Variants in ROBO1 observed in about 807,000 individuals in gnomAD.
The protein encoded by ROBO1 is roundabout guidance receptor 1.
ROBO1 carries 149 observed loss-of-function variants against 195.9 expected under a neutral mutation model. That is an observed-to-expected ratio of 0.76 (90% CI 0.67 to 0.87). ROBO1 has a LOEUF of 0.87. ROBO1 is among the 40% of genes least tolerant of loss of function. The pLI is 0.00. For missense variants in ROBO1, 1,933 were observed against 2,068.3 expected, an observed-to-expected ratio of 0.93 and a Z score of 1.27; for synonymous variants, 816 against 733.2, an observed-to-expected ratio of 1.11 and a Z score of -1.82.
At chr3:78,780,887 CT>C (rs1161988249) in intron 4 of ROBO1, among the ~76,000 whole-genome samples, 1 of 152,014 alleles carries the variant, frequency 6.6e-6, no homozygotes, top group Non-Finnish European at 1.5e-5. Context: ...ACCCCTGCTT[CT>C]TTTTATGTGG....
chr3:79,161,568 G>T (rs2080967061), intron 2 of ROBO1, among the ~76,000 whole-genome samples: 1 of 151,986 alleles, frequency 6.6e-6, no homozygotes, highest in Admixed American at 6.6e-5. Flanking sequence ...GTAAATATAA[G>T]TTGTCTTTTA....
At chr3:79,032,014 GC>G (rs2078304683) in intron 3 of ROBO1, among the ~76,000 whole-genome samples, 1 of 151,948 alleles carries the variant, frequency 6.6e-6, no homozygotes, top group South Asian at 2.1e-4. Flanking sequence ...AGGGTATGAA[GC>G]CAAAAAAATG....
chr3:78,696,022 A>G (rs1178252969), intron 8 of ROBO1, among the ~76,000 whole-genome samples: 1 of 151,986 alleles, frequency 6.6e-6, no homozygotes, highest in Non-Finnish European at 1.5e-5. Context: ...CATTTCTCCA[A>G]AGGTCAGGTA....
chr3:79,260,812 A>C (rs2082925704), intron 2 of ROBO1, among the ~76,000 whole-genome samples: 1 of 152,140 alleles, frequency 6.6e-6, no homozygotes, highest in Non-Finnish European at 1.5e-5. Flanking sequence ...ATAATGAATT[A>C]TCTGTGACCC....
In ROBO1 at chr3:79,373,163, C is replaced by T. The variant is rs184299469; in HGVS notation, c.88+216661G>A. Among the ~76,000 whole-genome samples the T allele has an allele frequency of 2.1e-4, 32 of 152,338 alleles. No individual in the cohort carries two copies. The East Asian group carries it at 4.2e-3, about 20-fold the overall frequency. Reference sequence around the variant, plus strand: ...GGTTTACTTAAAATACAAGTTCTAACACTTTCATTTAAAAATCTGTTCCAT... The same window carrying T: ...GGTTTACTTAAAATACAAGTTCTAATACTTTCATTTAAAAATCTGTTCCAT... On this transcript the variant is annotated intron_variant, in intron 2 of 30. Coordinates refer to ENST00000464233, the MANE Select transcript of ROBO1 (RefSeq NM_002941.4).
intron 3 of ROBO1, among the ~76,000 whole-genome samples, chr3:78,999,347 G>T (rs1255411807): frequency 6.6e-6 from 1 of 152,004 alleles, no homozygotes; most frequent in Non-Finnish European, 1.5e-5. Flanking sequence ...ATGTGACATG[G>T]AATACTATGC....
chr3:78,947,928 A>G (rs533482142), intron 3 of ROBO1, among the ~76,000 whole-genome samples: 54 of 152,342 alleles, frequency 3.5e-4, no homozygotes, highest in Admixed American at 1.6e-3. Flanking sequence ...TCTAGAAGAA[A>G]TGGATAAATT....
chr3:79,402,509 C>T (rs947666388), intron 2 of ROBO1, among the ~76,000 whole-genome samples: 1 of 151,874 alleles, frequency 6.6e-6, no homozygotes, highest in African/African-American at 2.4e-5. Flanking sequence ...ATAATTACAG[C>T]ACTAATAATA....
At chr3:79,542,788 G>A (rs1270837361) in intron 2 of ROBO1, among the ~76,000 whole-genome samples, 2 of 152,046 alleles carry the variant, frequency 1.3e-5, no homozygotes, top group South Asian at 2.1e-4. Flanking sequence ...TCCATAACTC[G>A]GTTCCTTTCC....
At chr3:79,160,615 C>G (rs1218964151) in intron 2 of ROBO1, among the ~76,000 whole-genome samples, 2 of 152,020 alleles carry the variant, frequency 1.3e-5, no homozygotes, top group African/African-American at 4.8e-5. Context: ...AGTCAACACC[C>G]TAGCATCTTG....
chr3:78,668,379 T>G, intron 12 of ROBO1, 77 bp from the exon 13 acceptor site: 7 of 1,588,004 alleles, frequency 4.4e-6, no homozygotes, highest in African/African-American at 1.3e-5. Context: ...GATAACATAT[T>G]CATACACCTA....
chr3:78,997,369 T>C (rs1434360680), intron 3 of ROBO1, among the ~76,000 whole-genome samples: 2 of 152,118 alleles, frequency 1.3e-5, no homozygotes, highest in Non-Finnish European at 2.9e-5. Context: ...ACGTGGGTTG[T>C]TTGGTTTGGT....
intron 4 of ROBO1, among the ~76,000 whole-genome samples, chr3:78,931,883 G>T (rs2107650976): frequency 6.6e-6 from 1 of 152,236 alleles, no homozygotes; most frequent in East Asian, 1.9e-4. Flanking sequence ...GTCTGAGTTA[G>T]GAGGATCGCT....
At chr3:79,564,329 G>A (rs1943022205) in intron 2 of ROBO1, among the ~76,000 whole-genome samples, 1 of 152,036 alleles carries the variant, frequency 6.6e-6, no homozygotes, top group Non-Finnish European at 1.5e-5. Flanking sequence ...TCAGTGCTGA[G>A]CATGCTTCAC....
chr3:79,348,703 T>C (rs1314810565), intron 2 of ROBO1, among the ~76,000 whole-genome samples: 1 of 152,196 alleles, frequency 6.6e-6, no homozygotes, highest in Non-Finnish European at 1.5e-5. Flanking sequence ...TAGAACACTT[T>C]TCAGTGACAA....
rs1428168056 is a variant in ROBO1, at chr3:78,668,522, C to A, written c.1592G>T (p.Ser531Ile). ...GRYTCIASTP[S>I]GEATWSAYIE... The stretch of plus-strand genomic sequence containing the variant: ...GTAAGCACTCCATGTTGCTTCACCA[C>A]TGGGGGTTGATGCAATGCAGGTGTA... Residue 531 changes from serine to isoleucine, a missense_variant, in exon 12 of 31, where the codon AGT (serine) becomes ATT (isoleucine). Transcript: ENST00000464233. 1 of 1,613,838 alleles carries A rather than the reference C, an allele frequency of 6.2e-7. No individual in the cohort carries two copies. Among genetic ancestry groups the A allele is most frequent in the Non-Finnish European group, 8.5e-7 (1 of 1,179,828 alleles).
intron 4 of ROBO1, 124 bp downstream of exon 4, chr3:78,938,477 C>G (rs972411408): frequency 6.0e-5 from 45 of 751,594 alleles, no homozygotes; most frequent in Non-Finnish European, 9.0e-5. Context: ...TATTCACATA[C>G]AAAGCTAGAG....
At chr3:78,645,795 T>C (rs1449590926) in intron 21 of ROBO1, among the ~76,000 whole-genome samples, 3 of 152,122 alleles carry the variant, frequency 2.0e-5, no homozygotes, top group African/African-American at 7.2e-5. Flanking sequence ...GTTTTTCAAA[T>C]GAACTCTTTT....
intron 10 of ROBO1, among the ~76,000 whole-genome samples, chr3:78,674,662 T>C (rs1264289825): frequency 1.3e-5 from 2 of 152,206 alleles, no homozygotes; most frequent in African/African-American, 4.8e-5. Context: ...GATTTTGTTT[T>C]TGTTTTTTAT....
Sources: allele counts gnomAD v4.1 joint callset (sites outside exome capture counted in the v4.1 genomes callset), GRCh38; gene constraint gnomAD v4.1.1; transcripts MANE v1.5; gene names NCBI Gene and HGNC (gene_info 2026-07-23, HGNC 2026-07-21).